The following TTC7B variants were observed in gnomAD, a reference collection of about 807,000 sequenced individuals.
TTC7B encodes the protein tetratricopeptide repeat domain 7B, also known as tetratricopeptide repeat protein 7B.
Under a neutral mutation model 106.8 loss-of-function variants are expected in TTC7B, and 28 were observed. The observed-to-expected ratio is 0.26, with a 90% confidence interval of 0.19 to 0.36. TTC7B has a LOEUF of 0.36. TTC7B is among the 10% of genes least tolerant of loss of function. The pLI is 1.00. For missense variants in TTC7B, 862 were observed against 1,076.4 expected (o/e 0.80, Z 2.79); for synonymous variants, 405 against 430.6 (o/e 0.94, Z 0.74).
intron 5 of TTC7B, among the ~76,000 whole-genome samples, chr14:90,715,007 G>A (rs921365844): frequency 6.6e-6 from 1 of 152,114 alleles, no homozygotes; most frequent in Non-Finnish European, 1.5e-5. Context: ...GAGCCCTAGT[G>A]AGTCAGTTTC....
At chr14:90,677,939 T>C (rs1886906316) in intron 8 of TTC7B, 1 of 401,484 alleles carries the variant, frequency 2.5e-6, no homozygotes, top group Non-Finnish European at 4.9e-6. Flanking sequence ...GATTTCATTC[T>C]AAGTTTTTCT....
chr14:90,782,732 T>C (rs1332357026), intron 2 of TTC7B, among the ~76,000 whole-genome samples: 1 of 152,072 alleles, frequency 6.6e-6, no homozygotes, highest in Non-Finnish European at 1.5e-5. Flanking sequence ...CTAAGAACCG[T>C]TGGATTAAAG....
intron 14 of TTC7B, 178 bp downstream of exon 14, chr14:90,646,773 G>T: frequency 1.6e-6 from 1 of 617,212 alleles, no homozygotes. Context: ...CTTCACAGCT[G>T]ATGCTCAAAC....
chr14:90,774,961 T>G (rs1408076946), intron 3 of TTC7B, among the ~76,000 whole-genome samples: 1 of 151,852 alleles, frequency 6.6e-6, no homozygotes, highest in Non-Finnish European at 1.5e-5. Context: ...GAGAATCACT[T>G]GAACGCGGGA....
At chr14:90,592,418 G>A (rs1891996315) in intron 18 of TTC7B, among the ~76,000 whole-genome samples, 1 of 152,180 alleles carries the variant, frequency 6.6e-6, no homozygotes, top group South Asian at 2.1e-4. Context: ...TTATTAAAAT[G>A]CCTGCACAGG....
chr14:90,814,136 A>G (rs2031050536), intron 1 of TTC7B, among the ~76,000 whole-genome samples: 1 of 152,168 alleles, frequency 6.6e-6, no homozygotes, highest in Non-Finnish European at 1.5e-5. Flanking sequence ...ACACAGACCC[A>G]TGGACCACAG....
chr14:90,685,164 C>T (rs1378861191), intron 7 of TTC7B, among the ~76,000 whole-genome samples: 1 of 152,198 alleles, frequency 6.6e-6, no homozygotes, highest in Non-Finnish European at 1.5e-5. Context: ...TTGTGGTTTT[C>T]TGGAGCTAGA....
intron 18 of TTC7B, among the ~76,000 whole-genome samples, chr14:90,590,259 G>C (rs967762589): frequency 6.6e-6 from 1 of 152,186 alleles, no homozygotes; most frequent in Non-Finnish European, 1.5e-5. Context: ...CGGCACAGGT[G>C]TCCTATTCAC....
chr14:90,703,523 T>G (rs1483364973), intron 5 of TTC7B, among the ~76,000 whole-genome samples: 1 of 151,888 alleles, frequency 6.6e-6, no homozygotes, highest in Non-Finnish European at 1.5e-5. Context: ...AACACAACTC[T>G]GGCGACCACA....
At chr14:90,671,606 A>T (rs1886635732) in intron 9 of TTC7B, among the ~76,000 whole-genome samples, 1 of 152,190 alleles carries the variant, frequency 6.6e-6, no homozygotes, top group South Asian at 2.1e-4. Context: ...GAAGAGGAAA[A>T]AAAGAAGTGT....
At chr14:90,670,395 T>C (rs1374134339) in intron 9 of TTC7B, among the ~76,000 whole-genome samples, 4 of 152,152 alleles carry the variant, frequency 2.6e-5, no homozygotes, top group African/African-American at 7.2e-5. Flanking sequence ...GAATTTCTGT[T>C]TGGGATGATG....
chr14:90,707,879 G>C (rs1031122881), intron 5 of TTC7B, among the ~76,000 whole-genome samples: 1 of 152,090 alleles, frequency 6.6e-6, no homozygotes, highest in East Asian at 1.9e-4. Flanking sequence ...AGGTGTGGTG[G>C]CTCACGCCTG....
chr14:90,795,444 T>C (rs1891743398), intron 1 of TTC7B, among the ~76,000 whole-genome samples: 1 of 152,190 alleles, frequency 6.6e-6, no homozygotes, highest in East Asian at 1.9e-4. Context: ...CAGCTGGTCG[T>C]GGAGCAGCCG....
At position 90,525,257 on chromosome 14, in the gene TTC7B, C is replaced by G. The variant is rs1315795479; in HGVS notation, c.*16111G>C. The G allele has an allele frequency of 1.3e-5, 2 of 152,220 alleles. No individual in the cohort carries two copies. The highest frequency in any genetic ancestry group is 2.9e-5 in the Non-Finnish European group (2 of 68,060). The allele number at this position is 152,220 out of a possible 1,614,324, so 9.4% of individuals were successfully genotyped here. A position where few individuals can be genotyped will look rare whatever the true frequency, so the allele number is the denominator to read the frequency against. ...TCGTCACCACTACCTGGAGATTCACCCATGTTGCTGCAGGCACCAAGCCCC... is the reference window on the plus strand; with the variant it reads ...TCGTCACCACTACCTGGAGATTCACGCATGTTGCTGCAGGCACCAAGCCCC... On this transcript the variant is annotated 3_prime_UTR_variant, in exon 20 of 20. Transcript: ENST00000328459.
chr14:90,789,239 C>T (rs1022172705), intron 1 of TTC7B, among the ~76,000 whole-genome samples: 3 of 152,048 alleles, frequency 2.0e-5, no homozygotes, highest in African/African-American at 7.2e-5. Flanking sequence ...GCTGGGATTA[C>T]AGGCACCCAC....
intron 15 of TTC7B, among the ~76,000 whole-genome samples, chr14:90,619,471 A>G (rs1294383072): frequency 1.3e-5 from 2 of 152,174 alleles, no homozygotes. Context: ...AACCCAGCCA[A>G]AACCCCACTT....
chr14:90,724,535 C>T (rs8020147), intron 5 of TTC7B, among the ~76,000 whole-genome samples: 3 of 151,980 alleles, frequency 2.0e-5, no homozygotes, highest in South Asian at 2.1e-4. Context: ...AGTTCTCATG[C>T]GAACTGTTCG....
At chr14:90,556,463 G>T (rs111309171) in intron 19 of TTC7B, among the ~76,000 whole-genome samples, 5,480 of 152,236 alleles carry the variant, frequency 0.036, 305 homozygotes, top group African/African-American at 0.12. Flanking sequence ...GTCTTCTGTG[G>T]GTGCTAACAC....
At chr14:90,776,103 T>C (rs1380246030) in intron 3 of TTC7B, among the ~76,000 whole-genome samples, 1 of 149,094 alleles carries the variant, frequency 6.7e-6, no homozygotes, top group Non-Finnish European at 1.5e-5. Context: ...AGTAGGCAGT[T>C]AGTCAGGCAT....
Sources: gnomAD v4.1 joint callset for allele counts (sites outside exome capture counted in the v4.1 genomes callset) on GRCh38, gnomAD v4.1.1 for gene constraint, MANE v1.5 for transcripts, NCBI Gene and HGNC (gene_info 2026-07-23, HGNC 2026-07-21) for gene names.